The following APP variants were observed in gnomAD, a reference collection of about 807,000 sequenced individuals.
APP encodes amyloid-beta precursor protein.
A neutral mutation model predicts 101.4 loss-of-function variants in APP; 31 were observed. That is an observed-to-expected ratio of 0.31 (90% CI 0.23 to 0.41). APP has a LOEUF of 0.41. APP is among the 10% of genes least tolerant of loss of function. The probability of loss-of-function intolerance (pLI) is 1.00; values close to 1 mark genes in which losing one functional copy is unlikely to be tolerated. For synonymous variants in APP, 366 were observed against 364.4 expected (o/e 1.00, Z -0.05); for missense variants, 839 against 1,003.7 (o/e 0.84, Z 2.22).
chr21:26,021,763 G>A (rs61514201), intron 6 of APP, 77 bp downstream of exon 6: 5 of 1,572,642 alleles, frequency 3.2e-6, no homozygotes, highest in Middle Eastern at 2.1e-4. Flanking sequence ...AGTGGTGCTA[G>A]GGTGGATATT....
intron 8 of APP, among the ~76,000 whole-genome samples, chr21:25,992,917 GA>G (rs1365160037): frequency 2.0e-5 from 3 of 152,192 alleles, no homozygotes; most frequent in African/African-American, 7.2e-5. Context: ...ACTGCACAGT[GA>G]AAAGAACAAG....
chr21:26,003,817 A>G (rs946776784), intron 6 of APP, among the ~76,000 whole-genome samples: 2 of 152,152 alleles, frequency 1.3e-5, no homozygotes, highest in African/African-American at 4.8e-5. Flanking sequence ...TCACTTCCCA[A>G]CACTTTCCCT....
At chr21:25,974,713 T>C (rs1283448810) in intron 11 of APP, among the ~76,000 whole-genome samples, 1 of 152,136 alleles carries the variant, frequency 6.6e-6, no homozygotes, top group Non-Finnish European at 1.5e-5. Flanking sequence ...TACAGCAGCC[T>C]GAAGGGACTG....
chr21:26,026,375 G>A (rs138176347), intron 5 of APP, among the ~76,000 whole-genome samples: 23 of 152,242 alleles, frequency 1.5e-4, no homozygotes, highest in Middle Eastern at 6.8e-3. Context: ...ACATTCCTAC[G>A]AGGAAATAAA....
intron 1 of APP, among the ~76,000 whole-genome samples, chr21:26,116,862 C>T (rs1049965802): frequency 5.3e-5 from 8 of 152,128 alleles, no homozygotes; most frequent in African/African-American, 1.7e-4. Context: ...CAAACTTCTT[C>T]GAGTCAGATT....
chr21:26,075,715 G>T (rs2061486930), intron 3 of APP, among the ~76,000 whole-genome samples: 1 of 152,056 alleles, frequency 6.6e-6, no homozygotes, highest in Admixed American at 6.5e-5. Context: ...TATTTTTCTG[G>T]ACATCGAATA....
chr21:26,077,099 T>A (rs2061512667), intron 3 of APP, among the ~76,000 whole-genome samples: 1 of 151,472 alleles, frequency 6.6e-6, no homozygotes, highest in South Asian at 2.1e-4. Flanking sequence ...AAAAAAGAAA[T>A]TTTCCAGATT....
chr21:26,042,464 A>C (rs1266400690), intron 5 of APP, among the ~76,000 whole-genome samples: 1 of 152,222 alleles, frequency 6.6e-6, no homozygotes, highest in Admixed American at 6.5e-5. Flanking sequence ...CTATAATACC[A>C]TCTGGTTATT....
intron 1 of APP, among the ~76,000 whole-genome samples, chr21:26,121,533 G>A (rs375106130): frequency 3.3e-5 from 5 of 151,954 alleles, no homozygotes; most frequent in African/African-American, 1.2e-4. Context: ...GATTACAGGC[G>A]CGCGTCACCA....
chr21:25,946,527 G>A (rs1359242966), intron 13 of APP, among the ~76,000 whole-genome samples: 1 of 152,200 alleles, frequency 6.6e-6, no homozygotes, highest in African/African-American at 2.4e-5. Flanking sequence ...TTAGCTGGAT[G>A]TGGTGGCATG....
intron 1 of APP, among the ~76,000 whole-genome samples, chr21:26,132,316 T>C (rs1382225325): frequency 2.6e-5 from 4 of 152,224 alleles, no homozygotes; most frequent in Admixed American, 6.5e-5. Flanking sequence ...TGGTATTATA[T>C]ATGCCATATG....
rs141281639 is a variant in APP, at chr21:26,118,370, C to T, written c.58-6224G>A. 9.4e-4 allele frequency among the ~76,000 whole-genome samples: 143 copies of T among 152,296 alleles called. 2 individuals are homozygous for T. Among genetic ancestry groups the T allele is most frequent in the African/African-American group, 3.3e-3 (137 of 41,568 alleles). ...AACTCTTAGCCTCAAAAACAGTTTA[C>T]AATCTAGTCAATGTCCATTTAGTCT... On this transcript the variant is annotated intron_variant, in intron 1 of 17. Transcript: ENST00000346798.
At chr21:25,926,050 T>C (rs2039882760) in intron 13 of APP, among the ~76,000 whole-genome samples, 3 of 152,208 alleles carry the variant, frequency 2.0e-5, no homozygotes, top group African/African-American at 4.8e-5. Context: ...CAGGGGAATA[T>C]TGCCAAAACA....
intron 11 of APP, 147 bp downstream of exon 11, chr21:25,974,923 G>C: frequency 8.1e-7 from 1 of 1,242,048 alleles, no homozygotes; most frequent in Non-Finnish European, 1.1e-6. Context: ...TGACCTTCAA[G>C]ATGGAATGGA....
At chr21:26,123,249 A>G (rs1043607646) in intron 1 of APP, among the ~76,000 whole-genome samples, 1 of 152,180 alleles carries the variant, frequency 6.6e-6, no homozygotes, top group Non-Finnish European at 1.5e-5. Flanking sequence ...CTGTGTGCTT[A>G]TAACTCTCAT....
chr21:26,006,425 A>G (rs770529430), intron 6 of APP, among the ~76,000 whole-genome samples: 1 of 152,212 alleles, frequency 6.6e-6, no homozygotes, highest in Non-Finnish European at 1.5e-5. Flanking sequence ...AAGCAAAATC[A>G]TGTGCTTCTA....
chr21:26,115,599 T>C (rs533267496), intron 1 of APP, among the ~76,000 whole-genome samples: 1 of 152,318 alleles, frequency 6.6e-6, no homozygotes, highest in South Asian at 2.1e-4. Context: ...ACATTAAACA[T>C]TGCCATCCAA....
intron 1 of APP, among the ~76,000 whole-genome samples, chr21:26,152,174 A>G (rs1391427961): frequency 6.7e-6 from 1 of 149,750 alleles, no homozygotes; most frequent in Non-Finnish European, 1.5e-5. Context: ...AGTCCCAGCT[A>G]CTCGGGAGGC....
intron 17 of APP, among the ~76,000 whole-genome samples, chr21:25,883,874 GGACA>G (rs2037153623): frequency 6.6e-6 from 1 of 152,188 alleles, no homozygotes; most frequent in African/African-American, 2.4e-5. Flanking sequence ...TCATCCCTTG[GGACA>G]GAATGTTCCA....
Sources: allele counts gnomAD v4.1 joint callset (sites outside exome capture counted in the v4.1 genomes callset), GRCh38; gene constraint gnomAD v4.1.1; transcripts MANE v1.5; gene names NCBI Gene and HGNC (gene_info 2026-07-23, HGNC 2026-07-21).